Variants in LHX1 observed in about 807,000 individuals in gnomAD.
The protein encoded by LHX1 is LIM homeobox 1, also known as LIM/homeobox protein Lhx1.
In LHX1, 9 loss-of-function variants were observed where a neutral mutation model predicts 34.1. The observed-to-expected ratio is 0.26, with a 90% CI of 0.16 to 0.46. LHX1 has a LOEUF of 0.46. Ranked by LOEUF, LHX1 falls within the 20% of genes least tolerant of loss-of-function variation. LHX1 has a pLI of 1.00. For missense variants in LHX1, 446 were observed against 559.1 expected, an observed-to-expected ratio of 0.80 and a Z score of 2.04; for synonymous variants, 254 against 241.5, an observed-to-expected ratio of 1.05 and a Z score of -0.48.
chr17:36,940,258 C>CGGGGGGGGGGGG, intron 1 of LHX1, 32 bp from the exon 2 acceptor site: 7 of 528,866 alleles, frequency 1.3e-5, no homozygotes, highest in Admixed American at 3.4e-5. Flanking sequence ...GACCCATCCC[C>CGGGGGGGGGGGG]GCCCCCGCCC....
rs1417421544 is a variant in LHX1, at chr17:36,942,972, G to T, written c.1062G>T (p.Ser354=). 2.5e-6 allele frequency: 4 copies of T among 1,610,580 alleles called. No homozygotes were observed. The highest frequency in any genetic ancestry group is 2.7e-5 in the African/African-American group (2 of 74,866). ...TCCTGGCGCACCCACCCGGGGACTC[G>T]CCCAGCCCCGAGCCCAGCCTGCCCG... The part of the protein sequence containing the change: ...TDILAHPPGD[S]PSPEPSLPGP... Residue 354 remains serine, a synonymous_variant, in exon 5 of 5, where the codon TCG becomes TCT. Transcript: ENST00000614239.
chr17:36,942,523 A>T (rs2070772565), intron 4 of LHX1, among the ~76,000 whole-genome samples, 158 bp downstream of exon 4: 1 of 152,118 alleles, frequency 6.6e-6, no homozygotes, highest in Non-Finnish European at 1.5e-5. Flanking sequence ...AGGCGGCGAG[A>T]CCGAGGACCC....
chr17:36,938,722 T>C, intron 1 of LHX1: 1 of 424,944 alleles, frequency 2.4e-6, no homozygotes, highest in Non-Finnish European at 4.4e-6. Flanking sequence ...AGCAACTGCA[T>C]TCTCCAGGCC....
At chr17:36,938,669 C>T (rs2070745454) in intron 1 of LHX1, 1 of 518,200 alleles carries the variant, frequency 1.9e-6, no homozygotes, top group Non-Finnish European at 3.5e-6. Flanking sequence ...CAGCCTCGGG[C>T]GTTGTAGCCC....
Position 36,944,171 on chromosome 17 carries a change from A to C in LHX1, c.*1040A>C, listed in dbSNP as rs2070787688. ...AAAAAGGTGTTGTTTACACGAGGCA[A>C]AGAGAAAACATGCTATTCAGACAGT... On this transcript the variant is annotated 3_prime_UTR_variant, in exon 5 of 5. Transcript: ENST00000614239. The C allele has an allele frequency of 6.6e-6, 1 of 152,128 alleles. No individual in the cohort carries two copies. The highest frequency in any genetic ancestry group is 2.1e-4 in the South Asian group (1 of 4,828). 9.4% of individuals were successfully genotyped at this position (152,128 alleles called of 1,614,324 possible).
intron 3 of LHX1, among the ~76,000 whole-genome samples, chr17:36,941,974 G>A (rs891095885): frequency 6.6e-6 from 1 of 152,166 alleles, no homozygotes; most frequent in Non-Finnish European, 1.5e-5. Context: ...CAGACACGGC[G>A]GCCTGTCCAG....
intron 1 of LHX1, among the ~76,000 whole-genome samples, chr17:36,939,131 A>G (rs943775001): frequency 1.3e-5 from 2 of 152,186 alleles, no homozygotes; most frequent in African/African-American, 4.8e-5. Context: ...ACCTGGGGGA[A>G]AGCCGAGACC....
In LHX1 at chr17:36,937,705, C is replaced by T. The variant is rs2142177581; in HGVS notation, c.-493C>T. On this transcript the variant is annotated 5_prime_UTR_variant, in exon 1 of 5. Coordinates refer to ENST00000614239, the MANE Select transcript of LHX1 (RefSeq NM_005568.5). ...GCACGCACACAGTCGCCCTCATACC[C>T]CGACAAAAGCAGATGCACTTTGACT... 1 of 431,082 alleles carries T rather than the reference C, an allele frequency of 2.3e-6. No individual in the cohort carries two copies. The highest frequency in any genetic ancestry group is 1.6e-5 in the South Asian group (1 of 61,990). 26.7% of individuals were successfully genotyped at this position (431,082 alleles called of 1,614,324 possible).
Position 36,940,819 on chromosome 17 carries a change from C to T in LHX1, c.607C>T (p.Pro203Ser). The T allele has an allele frequency of 3.8e-6, 6 of 1,560,068 alleles. No homozygotes were observed. The highest frequency in any genetic ancestry group is 5.2e-6 in the Non-Finnish European group (6 of 1,156,156). The change falls in exon 3 of 5, where the codon CCC becomes TCC. Residue 203 changes from proline to serine, a missense_variant. By Grantham distance (74) the Pro-to-Ser change is moderately conservative (BLOSUM62 -1). Coordinates refer to ENST00000614239, the MANE Select transcript of LHX1 (RefSeq NM_005568.5). ...GCTGAAGGCCGCCTTCGCTGCTACA[C>T]CCAAGCCCACCCGCCACATCCGCGA... Reference protein sequence around the residue: ...ETLKAAFAATPKPTRHIREQL... With the variant: ...ETLKAAFAATSKPTRHIREQL...
At position 36,937,777 on chromosome 17, in the gene LHX1, T is replaced by A. The variant is rs1305468165; in HGVS notation, c.-421T>A. On this transcript the variant is annotated 5_prime_UTR_variant, in exon 1 of 5. Transcript: ENST00000614239. Reference sequence around the variant, plus strand: ...CCCGGAGAACTCAGCGGCGCTTTCCTCGCAACCCGAGCTCGGCGAGTCGTC... The same window carrying A: ...CCCGGAGAACTCAGCGGCGCTTTCCACGCAACCCGAGCTCGGCGAGTCGTC... 2 of 472,826 alleles carry A rather than the reference T, an allele frequency of 4.2e-6. No homozygotes were observed. The highest frequency in any genetic ancestry group is 8.4e-6 in the Non-Finnish European group (2 of 238,728). 29.3% of individuals were successfully genotyped at this position (472,826 alleles called of 1,614,324 possible). A position where few individuals can be genotyped will look rare whatever the true frequency, so the allele number is the denominator to read the frequency against.
At chr17:36,942,176 T>C in intron 3 of LHX1, 24 bp from the exon 4 acceptor site, 2 of 1,555,066 alleles carry the variant, frequency 1.3e-6, no homozygotes, top group Non-Finnish European at 1.7e-6. Context: ...CTCGGTGGCC[T>C]CACCCCGCCG....
In LHX1 at chr17:36,942,740, G is replaced by C. The variant is rs760168771; in HGVS notation, c.842-12G>C. On this transcript the variant is annotated splice_polypyrimidine_tract_variant and intron_variant, in intron 4 of 4. Transcript: ENST00000614239. The stretch of plus-strand genomic sequence containing the variant: ...GGCCCTGACGTCCTGCGCCCTCCCC[G>C]CCGCTCCGCAGATTACCAGAGCGAG... 1 of 1,496,298 alleles carries C rather than the reference G, an allele frequency of 6.7e-7. No homozygotes were observed. The highest frequency in any genetic ancestry group is 8.9e-7 in the Non-Finnish European group (1 of 1,123,310). 92.7% of individuals were successfully genotyped at this position (1,496,298 alleles called of 1,614,324 possible).
Position 36,942,808 on chromosome 17 carries a change from C to G in LHX1, c.898C>G (p.Pro300Ala). Residue 300 changes from proline to alanine, a missense_variant, in exon 5 of 5, where the codon CCC becomes GCC. Around this residue, in one of 3 missense-constraint regions of LHX1, gnomAD observed 235 missense variants for 224.4 expected, o/e 1.05. Transcript: ENST00000614239. ...CAACTACGACTTCTTCCCGCAAGGC[C>G]CCCCGTCCTCGCAGGCCCAGACACC... ...GGNYDFFPQG[P>A]PSSQAQTPVD... 6.4e-7 allele frequency: 1 copy of G among 1,554,276 alleles called. No homozygotes were observed. The highest frequency in any genetic ancestry group is 1.2e-5 in the South Asian group (1 of 84,080).
Position 36,940,404 on chromosome 17 carries a change from C to T in LHX1, c.285C>T (p.Asn95=), listed in dbSNP as rs1289751521. 1 of 1,614,136 alleles carries T rather than the reference C, an allele frequency of 6.2e-7. No homozygotes were observed. The highest frequency in any genetic ancestry group is 2.2e-5 in the East Asian group (1 of 44,882). ...ACTGCTTCACCTGCATGATGTGTAA[C>T]AAGCAGCTCTCCACTGGCGAGGAAC... The part of the protein sequence containing the change: ...HLNCFTCMMC[N]KQLSTGEELY... Residue 95 remains asparagine (N), a synonymous_variant, in exon 2 of 5, where the codon AAC becomes AAT. Coordinates refer to ENST00000614239, the MANE Select transcript of LHX1 (RefSeq NM_005568.5).
chr17:36,938,709 T>G, intron 1 of LHX1: 1 of 445,584 alleles, frequency 2.2e-6, no homozygotes. Flanking sequence ...AGCCAAGCTC[T>G]GCAGCAACTG....
At chr17:36,940,550 G>T (rs1040059437) in intron 2 of LHX1, 34 bp downstream of exon 2, 68 of 1,613,660 alleles carry the variant, frequency 4.2e-5, no homozygotes, top group Non-Finnish European at 5.8e-5. Flanking sequence ...CTAGGTGCAA[G>T]CGGGTCCTGG....
rs1336184703 is a variant in LHX1 at position 36,938,057 on chromosome 17, G to T, written c.-141G>T. The T allele has an allele frequency of 2.6e-6, 2 of 777,746 alleles. No homozygotes were observed. Among genetic ancestry groups the T allele is most frequent in the East Asian group, 5.2e-5 (2 of 38,760 alleles). The allele number at this position is 777,746 out of a possible 1,614,324, so 48.2% of individuals were successfully genotyped here. Reference sequence around the variant, plus strand: ...CCACCCTACTTTGATTTCCTGGTGCGAGTTTTGGCTTGCACGGCCGAGTGT... The same window carrying T: ...CCACCCTACTTTGATTTCCTGGTGCTAGTTTTGGCTTGCACGGCCGAGTGT... On this transcript the variant is annotated 5_prime_UTR_variant, in exon 1 of 5. Coordinates refer to ENST00000614239, the MANE Select transcript of LHX1 (RefSeq NM_005568.5).
rs546566090 is a variant in LHX1 at position 36,942,807 on chromosome 17, C to A, written c.897C>A (p.Gly299=). The change falls in exon 5 of 5, where the codon GGC becomes GGA. Residue 299 remains glycine (G), a synonymous_variant. Transcript: ENST00000614239. ...GCAACTACGACTTCTTCCCGCAAGG[C>A]CCCCCGTCCTCGCAGGCCCAGACAC... The part of the protein sequence containing the change: ...PGGNYDFFPQ[G]PPSSQAQTPV... 6.4e-7 allele frequency: 1 copy of A among 1,551,560 alleles called. No homozygotes were observed. Among genetic ancestry groups the A allele is most frequent in the Middle Eastern group, 1.7e-4 (1 of 5,790 alleles).
At chr17:36,940,254 T>TA in intron 1 of LHX1, 36 bp from the exon 2 acceptor site, 4 of 560,748 alleles carry the variant, frequency 7.1e-6, no homozygotes, top group South Asian at 1.7e-5. Flanking sequence ...GGCTGACCCA[T>TA]CCCCGCCCCC....
Sources: allele counts gnomAD v4.1 joint callset (sites outside exome capture counted in the v4.1 genomes callset), GRCh38; gene constraint gnomAD v4.1.1; regional missense constraint gnomAD v4.1.1; transcripts MANE v1.5; gene names NCBI Gene and HGNC (gene_info 2026-07-23, HGNC 2026-07-21).